Variants in PEMT observed in about 807,000 individuals in gnomAD.
The protein encoded by PEMT is phosphatidylethanolamine N-methyltransferase.
Under a neutral mutation model 27.4 loss-of-function variants are expected in PEMT, and 23 were observed. The ratio of observed to expected loss-of-function variants is 0.84; its 90% confidence interval spans 0.60 to 1.19. PEMT has a LOEUF of 1.19. PEMT is among the 50% of genes most tolerant of loss of function. The pLI, the probability that PEMT is intolerant of heterozygous loss-of-function variation, is 0.00. For synonymous variants in PEMT, 137 were observed against 139.1 expected, an observed-to-expected ratio of 0.98 and a Z score of 0.11; for missense variants, 307 against 310.1, an observed-to-expected ratio of 0.99 and a Z score of 0.07.
chr17:17,586,140 GAAAGAAAGAAAGAAAAAGAAAGAGAA>G (rs1225067786), intron 1 of PEMT, among the ~76,000 whole-genome samples: 10 of 108,016 alleles, frequency 9.3e-5, no homozygotes, highest in Admixed American at 7.2e-4. Context: ...AATCTAATGA[GAAAGAAAGAAAGAAAAAGAAAGAGAA>G]AAAGAAAGAA....
intron 1 of PEMT, 103 bp downstream of exon 1, chr17:17,591,427 TG>T: frequency 1.4e-6 from 1 of 693,000 alleles, no homozygotes; most frequent in Non-Finnish European, 2.2e-6. Flanking sequence ...GCCTGGGAAC[TG>T]GCGGCCCCGC....
intron 2 of PEMT, among the ~76,000 whole-genome samples, chr17:17,530,147 C>T (rs570720764): frequency 3.3e-5 from 5 of 152,298 alleles, no homozygotes; most frequent in Admixed American, 2.6e-4. Flanking sequence ...ACATGCCAGA[C>T]ATTTACAAAT....
chr17:17,591,661 C>T lies in PEMT; in HGVS notation c.-35G>A, dbSNP rs775816722. ...GCCTCAGGAGGCACCACGCGGGCCC[C>T]GCTGCAGCCACGCGCCCCCGGAACC... is the stretch of plus-strand genomic sequence containing the variant. On this transcript the variant is annotated 5_prime_UTR_variant, in exon 1 of 7. Coordinates refer to ENST00000255389, the MANE Select transcript of PEMT (RefSeq NM_148172.3). The T allele has an allele frequency of 5.8e-5, 92 of 1,594,680 alleles. No homozygotes were observed. Among genetic ancestry groups the T allele is most frequent in the Non-Finnish European group, 7.6e-5 (89 of 1,171,252 alleles).
chr17:17,514,914 T>G (rs887971849), intron 3 of PEMT, among the ~76,000 whole-genome samples: 1 of 152,130 alleles, frequency 6.6e-6, no homozygotes, highest in African/African-American at 2.4e-5. Flanking sequence ...GGGGAGAGCA[T>G]TCCAGAAAGA....
Position 17,546,088 on chromosome 17 carries a change from CAGCCTATAAACTTGCCAGGTGGGGCCG to C in PEMT, c.205-23720_205-23694del, listed in dbSNP as rs557083077. 3.5e-4 allele frequency among the ~76,000 whole-genome samples: 53 copies of C among 152,324 alleles called. No homozygotes were observed. In the South Asian group the frequency reaches 4.1e-3, roughly 12 times the overall value. Reference sequence around the variant, plus strand: ...TCTGTACCCATCTTATGTCCTCAAGCAGCCTATAAACTTGCCAGGTGGGGCCGAGCCTCCCCACACCTCCCTGGGGCG... The same window carrying C: ...TCTGTACCCATCTTATGTCCTCAAGCAGCCTCCCCACACCTCCCTGGGGCG... On this transcript the variant is annotated intron_variant, in intron 2 of 6. Coordinates refer to ENST00000255389, the MANE Select transcript of PEMT (RefSeq NM_148172.3).
At chr17:17,555,472 G>C (rs139882374) in intron 2 of PEMT, among the ~76,000 whole-genome samples, 1 of 152,220 alleles carries the variant, frequency 6.6e-6, no homozygotes. Context: ...AGGTGAGGAG[G>C]AACTTTCCAG....
chr17:17,579,730 A>G lies in PEMT; in HGVS notation c.97-2703T>C, dbSNP rs555914273. Among the ~76,000 whole-genome samples, 24 of 152,366 alleles carry G rather than the reference A, an allele frequency of 1.6e-4. No individual in the cohort carries two copies. In the South Asian group the frequency reaches 4.6e-3, roughly 29 times the overall value. ...GCAGGCCCCTCCTAAGGGATGAATG[A>G]GCTGACATAGGACCAAAGGTGCACT... On this transcript the variant is annotated intron_variant, in intron 1 of 6. Transcript: ENST00000255389.
intron 1 of PEMT, chr17:17,578,653 T>C (rs894241929): frequency 6.6e-6 from 1 of 152,164 alleles, no homozygotes; most frequent in Admixed American, 6.5e-5. Context: ...GCAGCACATA[T>C]ACTAAAATTG....
chr17:17,586,290 A>AAGAAAGAAAGAAAGAAAGAAAG (rs1178124618), intron 1 of PEMT, among the ~76,000 whole-genome samples: 3 of 96,510 alleles, frequency 3.1e-5, no homozygotes, highest in East Asian at 3.0e-4. Flanking sequence ...GAAAGAAAGA[A>AAGAAAGAAAGAAAGAAAGAAAG]AAAAAAAAAC....
chr17:17,578,482 C>A (rs372746689), intron 1 of PEMT: 1 of 151,644 alleles, frequency 6.6e-6, no homozygotes, highest in African/African-American at 2.4e-5. Context: ...CCTGGGCAAC[C>A]CTGTCTCAAA....
intron 2 of PEMT, among the ~76,000 whole-genome samples, chr17:17,529,742 C>T (rs907823354): frequency 3.3e-5 from 5 of 152,202 alleles, no homozygotes; most frequent in South Asian, 2.1e-4. Flanking sequence ...TCCATTATGA[C>T]GGCCCACAGA....
At chr17:17,506,139 G>T in intron 6 of PEMT, 88 bp downstream of exon 6, 1 of 1,193,704 alleles carries the variant, frequency 8.4e-7, no homozygotes, top group Non-Finnish European at 1.2e-6. Flanking sequence ...CCTGTCCTGA[G>T]CCTGCCCTGG....
At chr17:17,518,223 G>C (rs960781286) in intron 3 of PEMT, 1 of 909,984 alleles carries the variant, frequency 1.1e-6, no homozygotes. Context: ...ACAGCCAGGA[G>C]GGAGGAAGGG....
At chr17:17,533,616 C>T (rs188448586) in intron 2 of PEMT, among the ~76,000 whole-genome samples, 2 of 152,232 alleles carry the variant, frequency 1.3e-5, no homozygotes, top group Non-Finnish European at 2.9e-5. Flanking sequence ...ATAAAGAATT[C>T]TTACAAAATG....
At chr17:17,549,330 C>T (rs1909484230) in intron 2 of PEMT, among the ~76,000 whole-genome samples, 1 of 152,216 alleles carries the variant, frequency 6.6e-6, no homozygotes, top group African/African-American at 2.4e-5. Flanking sequence ...GCTGGGACTA[C>T]AGGCACATGC....
At chr17:17,518,292 ACCCC>A in intron 3 of PEMT, 2 of 349,154 alleles carry the variant, frequency 5.7e-6, no homozygotes, top group Non-Finnish European at 8.0e-6. Flanking sequence ...CGCCTCGCCC[ACCCC>A]CGTGGGCTTT....
chr17:17,591,365 G>A lies in PEMT; in HGVS notation c.96+166C>T, dbSNP rs552600017. ...CGCACACGCACACACACAGACACCA[G>A]CCGGCGCTCCCGCACGCGGCTCCCC... On this transcript the variant is annotated intron_variant, in intron 1 of 6. Coordinates refer to ENST00000255389, the MANE Select transcript of PEMT (RefSeq NM_148172.3). 3.7e-5 allele frequency: 23 copies of A among 620,608 alleles called. No individual in the cohort carries two copies. In the African/African-American group the frequency reaches 3.9e-4, roughly 11 times the overall value. The allele number at this position is 620,608 out of a possible 1,614,324, so 38.4% of individuals were successfully genotyped here.
chr17:17,515,809 C>T (rs972312896), intron 3 of PEMT, among the ~76,000 whole-genome samples: 2 of 152,182 alleles, frequency 1.3e-5, no homozygotes, highest in Non-Finnish European at 2.9e-5. Flanking sequence ...AAGTATTCCG[C>T]ACTAGGGGTG....
intron 1 of PEMT, among the ~76,000 whole-genome samples, chr17:17,587,155 A>G (rs915059341): frequency 3.9e-5 from 6 of 152,130 alleles, no homozygotes; most frequent in African/African-American, 1.4e-4. Context: ...CTTTGGGGAA[A>G]ATTTATTTTC....
Sources: allele counts gnomAD v4.1 joint callset (sites outside exome capture counted in the v4.1 genomes callset), GRCh38; gene constraint gnomAD v4.1.1; transcripts MANE v1.5; gene names NCBI Gene and HGNC (gene_info 2026-07-23, HGNC 2026-07-21).